Variants in SLC38A4 observed in about 807,000 individuals in gnomAD.
SLC38A4 encodes the protein sodium-coupled neutral amino acid transporter 4.
Under a neutral mutation model 63.1 loss-of-function variants are expected in SLC38A4, and 20 were observed. The ratio of observed to expected loss-of-function variants is 0.32; its 90% CI spans 0.22 to 0.46. SLC38A4 has a LOEUF of 0.46. Among genes scored for constraint, SLC38A4 ranks in the 20% least tolerant of loss-of-function variants. The pLI, the probability that SLC38A4 is intolerant of heterozygous loss-of-function variation, is 1.00. For synonymous variants in SLC38A4, 230 were observed against 225.5 expected, an observed-to-expected ratio of 1.02 and a Z score of -0.18; for missense variants, 526 against 663.6, an observed-to-expected ratio of 0.79 and a Z score of 2.28.
intron 1 of SLC38A4, among the ~76,000 whole-genome samples, chr12:46,831,413 C>T (rs74851348): frequency 0.11 from 16,336 of 152,282 alleles, 1,178 homozygotes; most frequent in African/African-American, 0.21. Flanking sequence ...TTCTGCCCCT[C>T]CTCCCTAGGC....
intron 14 of SLC38A4, among the ~76,000 whole-genome samples, chr12:46,774,300 C>T (rs1481047914): frequency 6.6e-6 from 1 of 151,952 alleles, no homozygotes; most frequent in Non-Finnish European, 1.5e-5. Context: ...ATTTTTTTCC[C>T]CCTCAAATGA....
chr12:46,777,023 C>G lies in SLC38A4; in HGVS notation c.1074-19G>C, dbSNP rs544816835. ...GGACCGACTGGAAAAAGAAAGAACACCAAGCTTTGTTTTTTAAACTTACAA... is the reference window on the plus strand; with the variant it reads ...GGACCGACTGGAAAAAGAAAGAACAGCAAGCTTTGTTTTTTAAACTTACAA... On this transcript the variant is annotated intron_variant, in intron 12 of 16. Transcript: ENST00000266579. The G allele has an allele frequency of 2.5e-6, 4 of 1,580,662 alleles. No individual in the cohort carries two copies. In the Admixed American group the frequency reaches 7.2e-5, roughly 28 times the overall value.
intron 1 of SLC38A4, among the ~76,000 whole-genome samples, chr12:46,831,138 T>G (rs954390283): frequency 6.6e-6 from 1 of 152,098 alleles, no homozygotes; most frequent in Non-Finnish European, 1.5e-5. Flanking sequence ...TTCGCCGTTT[T>G]CCCCCACAAC....
At chr12:46,796,355 C>T (rs1033940063) in intron 2 of SLC38A4, among the ~76,000 whole-genome samples, 77 of 152,076 alleles carry the variant, frequency 5.1e-4, no homozygotes, top group Admixed American at 3.1e-3. Flanking sequence ...CTAAATTATA[C>T]GTTTCTTCTG....
intron 14 of SLC38A4, among the ~76,000 whole-genome samples, chr12:46,770,136 T>C (rs1371749437): frequency 6.6e-6 from 1 of 152,026 alleles, no homozygotes; most frequent in African/African-American, 2.4e-5. Context: ...AGACACATAA[T>C]TAAGAAACAT....
chr12:46,772,248 G>T (rs540090581), intron 14 of SLC38A4, among the ~76,000 whole-genome samples: 1 of 152,042 alleles, frequency 6.6e-6, no homozygotes, highest in East Asian at 1.9e-4. Flanking sequence ...CACTGCAGTT[G>T]ATAGCAATAT....
intron 3 of SLC38A4, among the ~76,000 whole-genome samples, chr12:46,790,260 G>A (rs1042948695): frequency 2.0e-5 from 3 of 152,086 alleles, no homozygotes; most frequent in Non-Finnish European, 4.4e-5. Flanking sequence ...AACAGCACAC[G>A]AAACCACAAA....
intron 16 of SLC38A4, 117 bp from the exon 17 acceptor site, chr12:46,766,919 T>C (rs752003270): frequency 1.2e-5 from 8 of 648,736 alleles, no homozygotes. Context: ...TTATTCTTAA[T>C]ATCTCAGATG....
intron 10 of SLC38A4, 85 bp downstream of exon 10, chr12:46,779,526 G>T: frequency 2.9e-6 from 3 of 1,044,634 alleles, no homozygotes; most frequent in African/African-American, 1.6e-5. Context: ...TTAGTGAAGT[G>T]CTTGAACAAA....
At chr12:46,767,278 CAT>C (rs1938321202) in intron 16 of SLC38A4, among the ~76,000 whole-genome samples, 2 of 151,758 alleles carry the variant, frequency 1.3e-5, no homozygotes, top group African/African-American at 4.8e-5. Context: ...TATACACACA[CAT>C]ATATAAGGAT....
At chr12:46,830,001 A>G (rs957594585), upstream of SLC38A4, among the ~76,000 whole-genome samples, 4 of 152,208 alleles carry the variant, frequency 2.6e-5, no homozygotes, top group South Asian at 8.3e-4. Context: ...AAGTTCCTAC[A>G]TATGTGTGAG....
upstream of SLC38A4, among the ~76,000 whole-genome samples, chr12:46,828,547 T>C (rs189144514): frequency 3.8e-4 from 58 of 152,294 alleles, no homozygotes; most frequent in East Asian, 9.9e-3. Flanking sequence ...GGTCTGGAAC[T>C]CCTGACCTCA....
intron 14 of SLC38A4, among the ~76,000 whole-genome samples, chr12:46,771,166 T>C (rs1378086563): frequency 2.6e-5 from 4 of 152,262 alleles, no homozygotes; most frequent in Non-Finnish European, 5.9e-5. Flanking sequence ...AATGGTGTGA[T>C]ATTGTTTTCC....
intron 12 of SLC38A4, 58 bp downstream of exon 12, chr12:46,778,231 T>G: frequency 6.5e-7 from 1 of 1,526,756 alleles, no homozygotes; most frequent in Non-Finnish European, 9.1e-7. Flanking sequence ...AAAGAATCTT[T>G]GAACATATGA....
At chr12:46,794,572 T>C (rs1565671250) in intron 2 of SLC38A4, among the ~76,000 whole-genome samples, 2 of 151,380 alleles carry the variant, frequency 1.3e-5, no homozygotes, top group African/African-American at 4.9e-5. Context: ...AATAGAATCA[T>C]TGAAATTTAA....
intron 1 of SLC38A4, among the ~76,000 whole-genome samples, chr12:46,819,266 GT>G (rs1428092309): frequency 6.6e-6 from 1 of 151,626 alleles, no homozygotes; most frequent in African/African-American, 2.4e-5. Context: ...TGAGAACCCT[GT>G]TTGGATTCTG....
intron 2 of SLC38A4, among the ~76,000 whole-genome samples, chr12:46,801,150 C>G (rs1240181922): frequency 6.6e-6 from 1 of 151,988 alleles, no homozygotes; most frequent in Non-Finnish European, 1.5e-5. Context: ...AAACTTGAAA[C>G]CAAGTATTTA....
At chr12:46,786,771 A>C (rs1434618448) in intron 5 of SLC38A4, among the ~76,000 whole-genome samples, 1 of 152,314 alleles carries the variant, frequency 6.6e-6, no homozygotes, top group East Asian at 1.9e-4. Context: ...CAATCAAAGC[A>C]CTAACACAAT....
intron 1 of SLC38A4, among the ~76,000 whole-genome samples, chr12:46,809,799 A>T (rs2120886702): frequency 6.6e-6 from 1 of 152,188 alleles, no homozygotes; most frequent in African/African-American, 2.4e-5. Context: ...GACTTTGGAC[A>T]GATGGTATAT....
Sources: gnomAD v4.1 joint callset for allele counts (sites outside exome capture counted in the v4.1 genomes callset) on GRCh38, gnomAD v4.1.1 for gene constraint, MANE v1.5 for transcripts, NCBI Gene and HGNC (gene_info 2026-07-23, HGNC 2026-07-21) for gene names.